The following TRMT11 variants were observed in gnomAD, a reference collection of about 807,000 sequenced individuals.
TRMT11 encodes tRNA methyltransferase 11.
In TRMT11, 53 loss-of-function variants were observed where a neutral mutation model predicts 62.8. The observed-to-expected ratio is 0.84, with a 90% CI of 0.68 to 1.06. The LOEUF is 1.06. TRMT11 is among the 50% of genes least tolerant of loss of function. TRMT11 has a pLI of 0.00. For synonymous variants in TRMT11, 188 were observed against 190.3 expected (o/e 0.99, Z 0.10); for missense variants, 556 against 553.4 (o/e 1.00, Z -0.05).
At chr6:126,156,015 C>A (rs1778117621) in intron 21 of TRMT11, among the ~76,000 whole-genome samples, 1 of 152,146 alleles carries the variant, frequency 6.6e-6, no homozygotes, top group South Asian at 2.1e-4. Flanking sequence ...TGTGAGCCAC[C>A]GTGCCCAGCC....
chr6:125,994,740 T>C (rs1791199798), intron 2 of TRMT11, among the ~76,000 whole-genome samples: 1 of 152,002 alleles, frequency 6.6e-6, no homozygotes, highest in Non-Finnish European at 1.5e-5. Flanking sequence ...ATAATGAAAA[T>C]GTACATATAC....
chr6:126,137,561 G>C (rs1442802364), intron 21 of TRMT11, among the ~76,000 whole-genome samples: 2 of 151,666 alleles, frequency 1.3e-5, no homozygotes, highest in African/African-American at 4.8e-5. Flanking sequence ...AACAGTAGGA[G>C]GTTCCTCAGA....
intron 17 of TRMT11, among the ~76,000 whole-genome samples, chr6:126,076,159 G>A (rs1777016915): frequency 6.6e-6 from 1 of 152,172 alleles, no homozygotes; most frequent in South Asian, 2.1e-4. Flanking sequence ...GATATGCATA[G>A]TGATGTCTTC....
intron 17 of TRMT11, among the ~76,000 whole-genome samples, chr6:126,102,116 C>G (rs1487698360): frequency 6.6e-6 from 1 of 152,162 alleles, no homozygotes; most frequent in Admixed American, 6.5e-5. Flanking sequence ...TGCAAACATA[C>G]AAATGAATGG....
At chr6:126,155,265 C>T (rs187687897) in intron 21 of TRMT11, among the ~76,000 whole-genome samples, 15 of 152,180 alleles carry the variant, frequency 9.9e-5, no homozygotes, top group East Asian at 5.8e-4. Flanking sequence ...TCAAAGAACT[C>T]GATCTCGTGA....
At chr6:126,267,112 T>C in the TRMT11 span, among the ~76,000 whole-genome samples, 3 of 152,138 alleles carry the variant, frequency 2.0e-5, no homozygotes, top group Admixed American at 6.5e-5. Flanking sequence ...AGGAATATGG[T>C]CTTTGGAAAT....
chr6:126,032,171 A>G (rs890167896), intron 12 of TRMT11, among the ~76,000 whole-genome samples: 1 of 152,064 alleles, frequency 6.6e-6, no homozygotes, highest in East Asian at 1.9e-4. Flanking sequence ...CTGCTGTAAT[A>G]ATCTTCTACT....
In TRMT11 at chr6:126,164,044, T is replaced by C. The variant is rs540118839; in HGVS notation, c.*1824-10781T>C. 2.0e-5 allele frequency among the ~76,000 whole-genome samples: 3 copies of C among 152,326 alleles called. 1 individual carries two copies. The South Asian group carries it at 6.2e-4, about 32-fold the overall frequency. ...TTGAATTTGTTTGCTCTTGCTTCTC[T>C]AGTTATTTTAATTGTGATGTTAGGG... On this transcript the variant is annotated intron_variant and NMD_transcript_variant, in intron 21 of 22. Coordinates refer to the TRMT11 transcript ENST00000648977.
At chr6:126,141,835 C>T (rs948567223) in intron 21 of TRMT11, among the ~76,000 whole-genome samples, 1 of 151,978 alleles carries the variant, frequency 6.6e-6, no homozygotes, top group Non-Finnish European at 1.5e-5. Context: ...ATAATATTTT[C>T]TTTCTCATAG....
At chr6:126,200,873 A>G (rs1472507911) in intron 3 of TRMT11, among the ~76,000 whole-genome samples, 1 of 152,202 alleles carries the variant, frequency 6.6e-6, no homozygotes, top group Non-Finnish European at 1.5e-5. Context: ...TTATAAATAA[A>G]GGCTGACTCA....
At chr6:126,197,723 T>G (rs193015738) in intron 1 of TRMT11, among the ~76,000 whole-genome samples, 1 of 152,162 alleles carries the variant, frequency 6.6e-6, no homozygotes, top group Non-Finnish European at 1.5e-5. Context: ...ATCTAAGAGA[T>G]AGGAATGCAA....
the TRMT11 span, among the ~76,000 whole-genome samples, chr6:126,227,384 C>G: frequency 6.6e-6 from 1 of 152,112 alleles, no homozygotes; most frequent in Non-Finnish European, 1.5e-5. Flanking sequence ...GTGTCAGAGT[C>G]CGGTTTAAGT....
intron 12 of TRMT11, among the ~76,000 whole-genome samples, chr6:126,027,057 C>T (rs996195443): frequency 1.3e-5 from 2 of 152,044 alleles, no homozygotes; most frequent in South Asian, 2.1e-4. Flanking sequence ...CCGCCAGCCT[C>T]GGCCTCCCAA....
At chr6:126,213,444 C>T in the TRMT11 span, among the ~76,000 whole-genome samples, 1 of 151,558 alleles carries the variant, frequency 6.6e-6, no homozygotes, top group African/African-American at 2.4e-5. Context: ...GCTTCAATTT[C>T]TTTTATGAAT....
At chr6:126,041,974 C>T (rs1250829979), downstream of TRMT11, among the ~76,000 whole-genome samples, 1 of 152,058 alleles carries the variant, frequency 6.6e-6, no homozygotes, top group East Asian at 1.9e-4. Context: ...TCCCATTTTT[C>T]TCAGATATTT....
the TRMT11 span, among the ~76,000 whole-genome samples, chr6:126,247,482 T>TATCTATC: frequency 3.0e-4 from 45 of 148,948 alleles, no homozygotes; most frequent in Non-Finnish European, 5.9e-4. Flanking sequence ...TCTATCTATC[T>TATCTATC]ATCTATCTAA....
chr6:126,090,751 T>C (rs1370536756), intron 17 of TRMT11, among the ~76,000 whole-genome samples: 2 of 152,204 alleles, frequency 1.3e-5, no homozygotes, highest in African/African-American at 4.8e-5. Flanking sequence ...TTTCCATGAC[T>C]GAAATAACCA....
chr6:126,054,612 C>T (rs768469159), intron 17 of TRMT11, among the ~76,000 whole-genome samples: 14 of 152,216 alleles, frequency 9.2e-5, no homozygotes, highest in Non-Finnish European at 1.9e-4. Flanking sequence ...GTTGCCAGCT[C>T]ATGTTTGTCC....
intron 17 of TRMT11, among the ~76,000 whole-genome samples, chr6:126,080,302 G>A (rs189292369): frequency 6.6e-6 from 1 of 151,912 alleles, no homozygotes; most frequent in Non-Finnish European, 1.5e-5. Flanking sequence ...GTAGAGAAAG[G>A]GTCTCACTGT....
Sources: gnomAD v4.1 joint callset for allele counts (sites outside exome capture counted in the v4.1 genomes callset) on GRCh38, gnomAD v4.1.1 for gene constraint, MANE v1.5 for transcripts, NCBI Gene and HGNC (gene_info 2026-07-23, HGNC 2026-07-21) for gene names.